B3GALNT2: variants seen among roughly 807,000 people sequenced by gnomAD.
B3GALNT2 encodes the protein beta-1,3-N-acetylgalactosaminyltransferase 2, also known as UDP-GalNAc:beta-1,3-N-acetylgalactosaminyltransferase 2.
B3GALNT2 carries 53 observed loss-of-function variants against 61.1 expected under a neutral mutation model. That is an observed-to-expected ratio of 0.87 (90% CI 0.70 to 1.09). B3GALNT2 has a LOEUF of 1.09. Among genes scored for constraint, B3GALNT2 ranks in the 50% least tolerant of loss-of-function variants. The pLI is 0.00. For synonymous variants in B3GALNT2, 223 were observed against 237.4 expected (o/e 0.94, Z 0.56); for missense variants, 544 against 623.0 (o/e 0.87, Z 1.35).
chr1:235,479,299 T>C (rs1684446006), intron 5 of B3GALNT2: 1 of 152,238 alleles, frequency 6.6e-6, no homozygotes, highest in South Asian at 2.1e-4. Flanking sequence ...ATAGGTGATC[T>C]AAAGTGAATC....
the B3GALNT2 span, chr1:235,441,274 A>AG: frequency 6.3e-6 from 1 of 158,426 alleles, no homozygotes; most frequent in Non-Finnish European, 1.4e-5. Context: ...TCTCCTGTGG[A>AG]GGCTGTGGTC....
rs183130882 is a variant in B3GALNT2, at chr1:235,455,122, A to C, written c.1151+437T>G. On this transcript the variant is annotated intron_variant, in intron 9 of 11. Coordinates refer to ENST00000366600, the MANE Select transcript of B3GALNT2 (RefSeq NM_152490.5). Reference sequence around the variant, plus strand: ...TTTCCTCCAATTGTACAGTAATATAAAATTTATTATTATTATTAAGACAGG... The same window carrying C: ...TTTCCTCCAATTGTACAGTAATATACAATTTATTATTATTATTAAGACAGG... Among the ~76,000 whole-genome samples the C allele has an allele frequency of 2.2e-3, 330 of 149,068 alleles. 1 individual carries two copies. Among genetic ancestry groups the C allele is most frequent in the African/African-American group, 7.8e-3 (309 of 39,398 alleles).
In B3GALNT2 at chr1:235,450,157, A is replaced by AT. The variant is rs1558404154; in HGVS notation, c.*48dup. The AT allele has an allele frequency of 1.2e-6, 2 of 1,607,686 alleles. No homozygotes were observed. The highest frequency in any genetic ancestry group is 1.7e-6 in the Non-Finnish European group (2 of 1,174,884). ...TGGGACTCCTCAGACTTGCACTCAGATTATCGTTTGCCTGCCCTGATTTTA... is the reference window on the plus strand; with the variant it reads ...TGGGACTCCTCAGACTTGCACTCAGATTTATCGTTTGCCTGCCCTGATTTTA... On this transcript the variant is annotated 3_prime_UTR_variant, in exon 12 of 12. Transcript: ENST00000366600.
chr1:235,441,747 TG>T, the B3GALNT2 span: 2 of 1,446,084 alleles, frequency 1.4e-6, no homozygotes, highest in South Asian at 2.3e-5. Context: ...TTTGTTTGTT[TG>T]TTTGTTTTGT....
chr1:235,445,669 CT>C (rs1005468852), downstream of B3GALNT2, among the ~76,000 whole-genome samples: 9 of 151,314 alleles, frequency 5.9e-5, no homozygotes, highest in East Asian at 3.9e-4. Flanking sequence ...ACTGCAATAT[CT>C]TTTTTTTTAT....
At chr1:235,480,378 C>G (rs1684502948) in intron 4 of B3GALNT2, among the ~76,000 whole-genome samples, 1 of 151,504 alleles carries the variant, frequency 6.6e-6, no homozygotes, top group Non-Finnish European at 1.5e-5. Context: ...TTCTCAAATG[C>G]TAAACATAAT....
At chr1:235,440,201 ACCT>A in the B3GALNT2 span, among the ~76,000 whole-genome samples, 1 of 151,982 alleles carries the variant, frequency 6.6e-6, no homozygotes, top group East Asian at 1.9e-4. Flanking sequence ...CGATCTCCTG[ACCT>A]TGTGATCCAC....
intron 8 of B3GALNT2, among the ~76,000 whole-genome samples, chr1:235,457,562 GAATT>G (rs2102787863): frequency 6.6e-6 from 1 of 152,140 alleles, no homozygotes; most frequent in South Asian, 2.1e-4. Flanking sequence ...ATAAAAGTAG[GAATT>G]AAAAGTAAGT....
At chr1:235,481,666 A>G (rs1684571034) in intron 4 of B3GALNT2, among the ~76,000 whole-genome samples, 2 of 152,052 alleles carry the variant, frequency 1.3e-5, no homozygotes, top group African/African-American at 4.8e-5. Context: ...TTTAAACTAT[A>G]TATACTAAGA....
At chr1:235,441,552 CTT>C in the B3GALNT2 span, 1 of 504,524 alleles carries the variant, frequency 2.0e-6, no homozygotes, top group South Asian at 2.2e-5. Flanking sequence ...CATTTGTTGT[CTT>C]TTGTTGAGTT....
At chr1:235,476,592 G>T (rs1026855259) in intron 5 of B3GALNT2, among the ~76,000 whole-genome samples, 2 of 152,138 alleles carry the variant, frequency 1.3e-5, no homozygotes, top group Non-Finnish European at 2.9e-5. Context: ...GCTCATGTCT[G>T]TAATCTCAGC....
chr1:235,458,551 A>T (rs1683271415), intron 8 of B3GALNT2, 52 bp downstream of exon 8: 1 of 1,532,726 alleles, frequency 6.5e-7, no homozygotes, highest in Admixed American at 2.2e-5. Context: ...CTCAAAAAAA[A>T]AAAAACTAAC....
At chr1:235,495,819 C>T (rs1245639084) in intron 1 of B3GALNT2, among the ~76,000 whole-genome samples, 1 of 152,050 alleles carries the variant, frequency 6.6e-6, no homozygotes, top group East Asian at 1.9e-4. Context: ...AGACTCTTTA[C>T]TATATTAAAT....
intron 7 of B3GALNT2, among the ~76,000 whole-genome samples, chr1:235,460,031 G>A (rs936609847): frequency 6.6e-6 from 1 of 151,986 alleles, no homozygotes; most frequent in African/African-American, 2.4e-5. Context: ...GACCTCAAAT[G>A]ATCCACCTGC....
chr1:235,468,000 G>A (rs1239794956), intron 6 of B3GALNT2, among the ~76,000 whole-genome samples: 2 of 152,002 alleles, frequency 1.3e-5, no homozygotes, highest in South Asian at 2.1e-4. Context: ...GGCTGGTCTC[G>A]AACTCCTGAC....
rs1433802588 is a variant in B3GALNT2 at position 235,448,395 on chromosome 1, CA to C, written c.*1810del. The C allele has an allele frequency of 6.2e-7, 1 of 1,613,982 alleles. No homozygotes were observed. Among genetic ancestry groups the C allele is most frequent in the African/African-American group, 1.3e-5 (1 of 74,910 alleles). ...TGAAGGGATTGCTGTCACGTCTTCT[CA>C]AAGTTCCTGTGTCAGACCTTCTGTT... On this transcript the variant is annotated 3_prime_UTR_variant, in exon 12 of 12. Transcript: ENST00000366600.
At chr1:235,474,987 A>ATTTTTTTT (rs1160445883) in intron 5 of B3GALNT2, among the ~76,000 whole-genome samples, 21 of 35,568 alleles carry the variant, frequency 5.9e-4, no homozygotes, top group South Asian at 1.2e-3. Flanking sequence ...ATATATATAT[A>ATTTTTTTT]TTTTTTTTTT....
intron 5 of B3GALNT2, among the ~76,000 whole-genome samples, chr1:235,478,532 T>A (rs1572527664): frequency 6.6e-6 from 1 of 152,226 alleles, no homozygotes; most frequent in Non-Finnish European, 1.5e-5. Flanking sequence ...ATCATCTGAC[T>A]TAAAAATGTG....
At chr1:235,460,669 G>A (rs1683381085) in intron 7 of B3GALNT2, among the ~76,000 whole-genome samples, 2 of 151,504 alleles carry the variant, frequency 1.3e-5, no homozygotes, top group Admixed American at 1.3e-4. Flanking sequence ...AACTTCCTGG[G>A]CTCAAGTGAT....
Sources: allele counts gnomAD v4.1 joint callset (sites outside exome capture counted in the v4.1 genomes callset), GRCh38; gene constraint gnomAD v4.1.1; transcripts MANE v1.5; gene names NCBI Gene and HGNC (gene_info 2026-07-23, HGNC 2026-07-21).